The following GNAT3 variants were observed in gnomAD, a reference collection of about 807,000 sequenced individuals.
GNAT3 encodes G protein subunit alpha transducin 3.
In GNAT3, 31 loss-of-function variants were observed where a neutral mutation model predicts 37.7. The observed-to-expected ratio is 0.82, with a 90% CI of 0.62 to 1.11. GNAT3 has a LOEUF of 1.11. GNAT3 is among the 50% of genes most tolerant of loss of function. The pLI, the probability that GNAT3 is intolerant of heterozygous loss-of-function variation, is 0.00. For synonymous variants in GNAT3, 138 were observed against 139.8 expected, an observed-to-expected ratio of 0.99 and a Z score of 0.09; for missense variants, 437 against 412.5, an observed-to-expected ratio of 1.06 and a Z score of -0.51.
chr7:80,495,248 G>C (rs764027538), intron 1 of GNAT3, among the ~76,000 whole-genome samples: 1 of 152,120 alleles, frequency 6.6e-6, no homozygotes, highest in Non-Finnish European at 1.5e-5. Context: ...TACATATGCT[G>C]TAGTGGGATG....
chr7:80,509,633 A>G (rs1002113705), intron 1 of GNAT3, among the ~76,000 whole-genome samples: 1 of 152,118 alleles, frequency 6.6e-6, no homozygotes, highest in African/African-American at 2.4e-5. Flanking sequence ...ATTGCATACA[A>G]TAAGTTGGGT....
chr7:80,481,855 AACTT>A (rs1418510898), intron 3 of GNAT3, among the ~76,000 whole-genome samples: 1 of 152,146 alleles, frequency 6.6e-6, no homozygotes, highest in African/African-American at 2.4e-5. Flanking sequence ...TTTAGACAAT[AACTT>A]AATTCTTTCA....
Position 80,501,159 on chromosome 7 carries a change from T to C in GNAT3, c.119-6512A>G, listed in dbSNP as rs189520861. 3.5e-3 allele frequency among the ~76,000 whole-genome samples: 532 copies of C among 152,180 alleles called. 3 individuals carry two copies. The highest frequency in any genetic ancestry group is 0.012 in the African/African-American group (480 of 41,568). On this transcript the variant is annotated intron_variant, in intron 1 of 7. Coordinates refer to ENST00000398291, the MANE Select transcript of GNAT3 (RefSeq NM_001102386.3). The stretch of plus-strand genomic sequence containing the variant: ...TTTGCAGATAAATTTGTACATTTTC[T>C]TTTGCCAAAAAAACACATTGTTTAT...
At chr7:80,482,430 A>T (rs1790405607) in intron 3 of GNAT3, among the ~76,000 whole-genome samples, 1 of 151,630 alleles carries the variant, frequency 6.6e-6, no homozygotes, top group South Asian at 2.1e-4. Flanking sequence ...AAACCAAACA[A>T]ATATACTGTT....
chr7:80,465,143 G>T lies in GNAT3; in HGVS notation c.591-2512C>A, dbSNP rs1281810915. Among the ~76,000 whole-genome samples, 2 of 152,054 alleles carry T rather than the reference G, an allele frequency of 1.3e-5. 1 individual carries two copies. The highest frequency in any genetic ancestry group is 2.9e-5 in the Non-Finnish European group (2 of 67,986). On this transcript the variant is annotated intron_variant, in intron 5 of 7. Coordinates refer to ENST00000398291, the MANE Select transcript of GNAT3 (RefSeq NM_001102386.3). ...GCATTCAGAAATTTAAATTGTTCAT[G>T]AACTGTTTTGTTAGTCCATAAAAAC...
At chr7:80,501,922 A>G (rs1348264315) in intron 1 of GNAT3, among the ~76,000 whole-genome samples, 1 of 152,048 alleles carries the variant, frequency 6.6e-6, no homozygotes, top group East Asian at 1.9e-4. Context: ...AGCCAAACTA[A>G]GTATGTTTCA....
chr7:80,470,730 G>A (rs1159423743), intron 5 of GNAT3, among the ~76,000 whole-genome samples: 1 of 152,124 alleles, frequency 6.6e-6, no homozygotes, highest in African/African-American at 2.4e-5. Context: ...CAAAAGGACA[G>A]AGGAAAATGA....
chr7:80,509,399 G>A (rs1791013044), intron 1 of GNAT3, among the ~76,000 whole-genome samples: 1 of 152,024 alleles, frequency 6.6e-6, no homozygotes. Context: ...ATGTGACAAA[G>A]GAGTTTAGTG....
chr7:80,487,677 T>C lies in GNAT3; in HGVS notation c.303+858A>G, dbSNP rs556389140. 6.6e-5 allele frequency: 10 copies of C among 152,290 alleles called. No homozygotes were observed. The South Asian group carries it at 1.2e-3, about 19-fold the overall frequency. 9.4% of individuals were successfully genotyped at this position (152,290 alleles called of 1,614,324 possible). A position where few individuals can be genotyped will look rare whatever the true frequency, so the allele number is the denominator to read the frequency against. On this transcript the variant is annotated intron_variant, in intron 3 of 7. Coordinates refer to ENST00000398291, the MANE Select transcript of GNAT3 (RefSeq NM_001102386.3). Reference sequence around the variant, plus strand: ...ATGCTTTTGCTCTCTATTTTTATTGTTTCTATAGCAAGGTTTCCAAGAATT... The same window carrying C: ...ATGCTTTTGCTCTCTATTTTTATTGCTTCTATAGCAAGGTTTCCAAGAATT...
rs528879253 is a variant in GNAT3 at position 80,497,563 on chromosome 7, T to C, written c.119-2916A>G. On this transcript the variant is annotated intron_variant, in intron 1 of 7. Transcript: ENST00000398291. ...ATATACACATATACGTATATACATA[T>C]ACGTATATACATATACGTATATACA... Among the ~76,000 whole-genome samples the C allele has an allele frequency of 4.6e-4, 65 of 142,554 alleles. 1 individual carries two copies. The highest frequency in any genetic ancestry group is 1.7e-3 in the African/African-American group (63 of 36,964). The allele number at this position is 142,554 out of a possible 152,430, so 93.5% of individuals were successfully genotyped here.
At chr7:80,495,933 T>C (rs187336988) in intron 1 of GNAT3, among the ~76,000 whole-genome samples, 2 of 152,326 alleles carry the variant, frequency 1.3e-5, no homozygotes, top group East Asian at 3.9e-4. Flanking sequence ...TTTGAATTCC[T>C]TGTAGATTCT....
intron 4 of GNAT3, among the ~76,000 whole-genome samples, chr7:80,476,088 C>CA (rs748085814): frequency 1.1e-4 from 16 of 150,726 alleles, no homozygotes; most frequent in South Asian, 6.3e-4. Context: ...AAAAAGAAAA[C>CA]AAAAAAAACC....
At chr7:80,495,877 T>C (rs1790707387) in intron 1 of GNAT3, among the ~76,000 whole-genome samples, 1 of 152,216 alleles carries the variant, frequency 6.6e-6, no homozygotes, top group South Asian at 2.1e-4. Context: ...TTCATGTCCT[T>C]TGCCCACTTT....
intron 5 of GNAT3, among the ~76,000 whole-genome samples, chr7:80,466,880 A>C (rs1448036823): frequency 6.6e-6 from 1 of 152,144 alleles, no homozygotes; most frequent in African/African-American, 2.4e-5. Flanking sequence ...AAATATGTAC[A>C]ACTGTGATAA....
At chr7:80,497,671 CATACAT>C (rs1790758442) in intron 1 of GNAT3, among the ~76,000 whole-genome samples, 2 of 91,108 alleles carry the variant, frequency 2.2e-5, no homozygotes, top group Non-Finnish European at 3.9e-5. Context: ...TACGTATATA[CATACAT>C]ATATACACAC....
At chr7:80,474,218 CT>C in intron 5 of GNAT3, 32 bp downstream of exon 5, 1 of 1,591,634 alleles carries the variant, frequency 6.3e-7, no homozygotes, top group Non-Finnish European at 8.6e-7. Flanking sequence ...ATGCATACTT[CT>C]GTCTACAGTT....
At chr7:80,460,011 C>G (rs1790022955) in intron 7 of GNAT3, among the ~76,000 whole-genome samples, 1 of 152,184 alleles carries the variant, frequency 6.6e-6, no homozygotes, top group African/African-American at 2.4e-5. Context: ...TATGTCTACA[C>G]AGAAGCTTGC....
intron 3 of GNAT3, chr7:80,487,822 T>C (rs997781154): frequency 6.6e-6 from 1 of 152,186 alleles, no homozygotes; most frequent in Non-Finnish European, 1.5e-5. Flanking sequence ...ACTCTTTTTT[T>C]TGGGTGGGGT....
chr7:80,486,249 G>A (rs1790476691), intron 3 of GNAT3, among the ~76,000 whole-genome samples: 1 of 152,136 alleles, frequency 6.6e-6, no homozygotes, highest in African/African-American at 2.4e-5. Context: ...TGATAGTTGA[G>A]AATATAGGTA....
Sources: allele counts gnomAD v4.1 joint callset (sites outside exome capture counted in the v4.1 genomes callset), GRCh38; gene constraint gnomAD v4.1.1; transcripts MANE v1.5; gene names NCBI Gene and HGNC (gene_info 2026-07-23, HGNC 2026-07-21).